SLC14A1: variants seen among roughly 807,000 people sequenced by gnomAD.
SLC14A1 encodes the protein solute carrier family 14 member 1 (Kidd blood group).
A neutral mutation model predicts 39.6 loss-of-function variants in SLC14A1; 36 were observed. The ratio of observed to expected loss-of-function variants is 0.91; its 90% confidence interval spans 0.70 to 1.20. The LOEUF is 1.20. SLC14A1 is among the 50% of genes most tolerant of loss of function. The probability of loss-of-function intolerance (pLI) is 0.00; values close to 1 mark genes in which losing one functional copy is unlikely to be tolerated. For missense variants in SLC14A1, 469 were observed against 478.7 expected, an observed-to-expected ratio of 0.98 and a Z score of 0.19; for synonymous variants, 164 against 173.6, an observed-to-expected ratio of 0.94 and a Z score of 0.43.
At chr18:45,725,644 A>C (rs939645157) in intron 2 of SLC14A1, among the ~76,000 whole-genome samples, 1 of 152,150 alleles carries the variant, frequency 6.6e-6, no homozygotes, top group Non-Finnish European at 1.5e-5. Context: ...TTGTTTGTTG[A>C]CTTGAACCGA....
chr18:45,728,265 T>G (rs28994277), intron 2 of SLC14A1, among the ~76,000 whole-genome samples: 3,952 of 152,244 alleles, frequency 0.026, 102 homozygotes, highest in Admixed American at 0.075. Flanking sequence ...ATCTCTGAGG[T>G]GATGGGATAT....
intron 3 of SLC14A1, among the ~76,000 whole-genome samples, 187 bp downstream of exon 3, chr18:45,730,658 C>G (rs1232170593): frequency 6.6e-6 from 1 of 152,042 alleles, no homozygotes; most frequent in Non-Finnish European, 1.5e-5. Flanking sequence ...GAGACAGTAG[C>G]CAGGGCCCAG....
intron 8 of SLC14A1, among the ~76,000 whole-genome samples, chr18:45,746,920 A>G (rs2047560538): frequency 6.6e-6 from 1 of 152,380 alleles, no homozygotes; most frequent in African/African-American, 2.4e-5. Context: ...ATTTGAAACC[A>G]GTACTGTTTC....
intron 2 of SLC14A1, among the ~76,000 whole-genome samples, chr18:45,726,064 C>T (rs2046855506): frequency 6.6e-6 from 1 of 152,154 alleles, no homozygotes; most frequent in Non-Finnish European, 1.5e-5. Flanking sequence ...CATGAGAGCC[C>T]TACCACTGGG....
At chr18:45,724,775 C>T (rs1243611191) in intron 1 of SLC14A1, 175 bp from the exon 2 acceptor site, 1 of 152,198 alleles carries the variant, frequency 6.6e-6, no homozygotes, top group Non-Finnish European at 1.5e-5. Context: ...TTCTTGTGCA[C>T]CCATCGGGAG....
At chr18:45,741,903 T>C (rs928923226) in intron 8 of SLC14A1, among the ~76,000 whole-genome samples, 3 of 152,220 alleles carry the variant, frequency 2.0e-5, no homozygotes, top group Non-Finnish European at 4.4e-5. Context: ...TTGGGATGCA[T>C]ACCTTTATTT....
intron 2 of SLC14A1, chr18:45,727,355 T>C (rs770135492): frequency 1.3e-6 from 2 of 1,551,620 alleles, no homozygotes; most frequent in South Asian, 2.4e-5. Flanking sequence ...CTAAAGCTGG[T>C]GACGCAGCGC....
rs916110818 is a variant in SLC14A1 at position 45,750,763 on chromosome 18, T to C, written c.*812T>C. The C allele has an allele frequency of 5.1e-6, 5 of 985,018 alleles. No homozygotes were observed. Among genetic ancestry groups the C allele is most frequent in the Non-Finnish European group, 4.8e-6 (4 of 829,666 alleles). 61.0% of individuals were successfully genotyped at this position (985,018 alleles called of 1,614,324 possible). ...TCTTACATATTAAAGAAAAGTTACT[T>C]ACTGTATTTATGAAATACTCAGCTT... On this transcript the variant is annotated 3_prime_UTR_variant, in exon 10 of 10. Coordinates refer to ENST00000321925, the MANE Select transcript of SLC14A1 (RefSeq NM_015865.7).
At position 45,739,625 on chromosome 18, in the gene SLC14A1, G is replaced by A. The variant is rs765752507; in HGVS notation, c.909G>A (p.Ala303=). 69 of 1,614,030 alleles carry A rather than the reference G, an allele frequency of 4.3e-5. No homozygotes were observed. Among genetic ancestry groups the A allele is most frequent in the South Asian group, 8.8e-5 (8 of 91,088 alleles). Residue 303 remains alanine (A), a synonymous_variant, in exon 8 of 10, where the codon GCG becomes GCA. Transcript: ENST00000321925. ...TTGCAATGGGAGGAATGTTCATGGC[G>A]CTCACCTGGCAAACCCACCTCCTGG... ...ACIAMGGMFM[A]LTWQTHLLAL... is the part of the protein sequence containing the mutation.
intron 9 of SLC14A1, among the ~76,000 whole-genome samples, chr18:45,749,478 G>A (rs907636727): frequency 6.6e-6 from 1 of 152,128 alleles, no homozygotes; most frequent in African/African-American, 2.4e-5. Flanking sequence ...GTTTGCAAGT[G>A]TCATCTCTGT....
In SLC14A1 at chr18:45,730,289, C is replaced by A. The variant is rs199707364; in HGVS notation, c.-21-11C>A. 1.4e-3 allele frequency: 2,267 copies of A among 1,610,244 alleles called. 33 individuals carry two copies. In the South Asian group the frequency reaches 0.024, roughly 17 times the overall value. ...CTTAGGGATACTTATAAGCTCTGTC[C>A]TTCCCTCAAGGAGCCAGAGGAAGAG... On this transcript the variant is annotated splice_polypyrimidine_tract_variant and intron_variant, in intron 2 of 9. Coordinates refer to ENST00000321925, the MANE Select transcript of SLC14A1 (RefSeq NM_015865.7).
intron 4 of SLC14A1, 186 bp from the exon 5 acceptor site, chr18:45,734,088 T>C (rs935702837): frequency 4.4e-6 from 3 of 681,506 alleles, no homozygotes; most frequent in Non-Finnish European, 7.4e-6. Context: ...TATTTTTATC[T>C]ATGTATATTT....
intron 8 of SLC14A1, among the ~76,000 whole-genome samples, chr18:45,744,024 T>TA (rs979643321): frequency 6.6e-6 from 1 of 151,844 alleles, no homozygotes; most frequent in Non-Finnish European, 1.5e-5. Flanking sequence ...TGTACTTTTT[T>TA]TTTTTTGAGA....
chr18:45,725,681 C>T lies in SLC14A1; in HGVS notation c.-22+668C>T, dbSNP rs16978468. Among the ~76,000 whole-genome samples, 5 of 152,228 alleles carry T rather than the reference C, an allele frequency of 3.3e-5. No homozygotes were observed. The East Asian group carries it at 9.6e-4, about 29-fold the overall frequency. ...CCTTGGGTGGCATTAATGTGCCTGG[C>T]CCAAGACTGAAAAATTAAGAACCAC... On this transcript the variant is annotated intron_variant, in intron 2 of 9. Transcript: ENST00000321925.
intron 2 of SLC14A1, among the ~76,000 whole-genome samples, chr18:45,727,642 A>C (rs971964764): frequency 6.6e-6 from 1 of 152,174 alleles, no homozygotes; most frequent in African/African-American, 2.4e-5. Flanking sequence ...GGGATAAGTC[A>C]CCTGGGGTTT....
Position 45,739,260 on chromosome 18 carries a change from C to T in SLC14A1, c.761C>T (p.Pro254Leu). 1 of 1,614,148 alleles carries T rather than the reference C, an allele frequency of 6.2e-7. No homozygotes were observed. Among genetic ancestry groups the T allele is most frequent in the South Asian group, 1.1e-5 (1 of 91,076 alleles). The change falls in exon 7 of 10, where the codon CCA becomes CTA. Residue 254 changes from proline to leucine, a missense_variant. Coordinates refer to ENST00000321925, the MANE Select transcript of SLC14A1 (RefSeq NM_015865.7). The stretch of plus-strand genomic sequence containing the variant: ...CTGGGAGCCATCCTACTCTCCTCCC[C>T]ACTCATGTGCCTGCATGCTGCCATA... ...IFLGAILLSS[P>L]LMCLHAAIGS...
chr18:45,727,500 C>A (rs1275940738), intron 2 of SLC14A1: 29 of 1,438,034 alleles, frequency 2.0e-5, no homozygotes, highest in Non-Finnish European at 2.6e-5. Flanking sequence ...CGGGCAGAGC[C>A]TGGGAAGTGG....
chr18:45,744,744 C>T (rs889557242), intron 8 of SLC14A1, among the ~76,000 whole-genome samples: 6 of 152,108 alleles, frequency 3.9e-5, no homozygotes, highest in African/African-American at 1.4e-4. Flanking sequence ...CAAATCTTTT[C>T]AATTTTTCCC....
At chr18:45,731,304 AAAC>A (rs2047023806) in intron 4 of SLC14A1, 100 bp downstream of exon 4, 12 of 1,157,080 alleles carry the variant, frequency 1.0e-5, no homozygotes, top group Non-Finnish European at 1.4e-5. Context: ...TTCCCAGGAT[AAAC>A]AACATTTAGT....
Sources: gnomAD v4.1 joint callset for allele counts (sites outside exome capture counted in the v4.1 genomes callset) on GRCh38, gnomAD v4.1.1 for gene constraint, MANE v1.5 for transcripts, NCBI Gene and HGNC (gene_info 2026-07-23, HGNC 2026-07-21) for gene names.